Variants in STX17 observed in about 807,000 individuals in gnomAD.
STX17 encodes the protein syntaxin-17.
Under a neutral mutation model 35.9 loss-of-function variants are expected in STX17, and 29 were observed. The observed-to-expected ratio is 0.81, with a 90% CI of 0.60 to 1.10. The LOEUF (loss-of-function observed/expected upper bound fraction) is 1.10. Ranked by LOEUF, STX17 falls within the 50% of genes least tolerant of loss-of-function variation. The pLI, the probability that STX17 is intolerant of heterozygous loss-of-function variation, is 0.00. For missense variants in STX17, 312 were observed against 352.3 expected (o/e 0.89, Z 0.92); for synonymous variants, 92 against 118.3 (o/e 0.78, Z 1.44).
Position 99,956,143 on chromosome 9 carries a change from ACT to A in STX17, c.416-3771_416-3770del, listed in dbSNP as rs140830400. Among the ~76,000 whole-genome samples the A allele has an allele frequency of 1.4e-3, 206 of 152,058 alleles. 3 individuals carry two copies. In the East Asian group the frequency reaches 0.02, roughly 15 times the overall value. On this transcript the variant is annotated intron_variant, in intron 4 of 7. Coordinates refer to ENST00000259400, the MANE Select transcript of STX17 (RefSeq NM_017919.3). ...AGAGCACAGACCTCTTTGTTCTAAG[ACT>A]CTGTTTGAACTAAGATGCATACGTA...
chr9:99,971,057 C>A lies in STX17; in HGVS notation c.*2384C>A, dbSNP rs182343688. On this transcript the variant is annotated 3_prime_UTR_variant, in exon 8 of 8. Coordinates refer to ENST00000259400, the MANE Select transcript of STX17 (RefSeq NM_017919.3). ...AATGGAACCTAATAGCCAACTTTTT[C>A]ATAGAAATTGCTAGAAGAGTTTGAT... 6.6e-6 allele frequency among the ~76,000 whole-genome samples: 1 copy of A among 152,296 alleles called. No homozygotes were observed. Among genetic ancestry groups the A allele is most frequent in the African/African-American group, 2.4e-5 (1 of 41,548 alleles).
chr9:99,954,887 ATTAAG>A (rs1829676801), intron 4 of STX17, among the ~76,000 whole-genome samples: 1 of 152,114 alleles, frequency 6.6e-6, no homozygotes, highest in African/African-American at 2.4e-5. Flanking sequence ...AAAGAAGCTT[ATTAAG>A]TTTAGGGAGA....
intron 2 of STX17, among the ~76,000 whole-genome samples, chr9:99,923,635 C>T (rs1313041986): frequency 6.6e-6 from 1 of 152,150 alleles, no homozygotes; most frequent in Non-Finnish European, 1.5e-5. Flanking sequence ...GTGCTGTCTA[C>T]CTAGAGATAG....
chr9:99,951,423 G>C, intron 4 of STX17, 138 bp downstream of exon 4: 1 of 745,840 alleles, frequency 1.3e-6, no homozygotes, highest in Non-Finnish European at 2.1e-6. Flanking sequence ...CTTGGACCCT[G>C]ATCAGTGTTC....
chr9:99,915,499 T>C (rs1828750752), intron 2 of STX17, 137 bp downstream of exon 2: 3 of 1,106,758 alleles, frequency 2.7e-6, no homozygotes, highest in African/African-American at 3.2e-5. Flanking sequence ...AGCAACATTA[T>C]GCATTTTTTA....
At chr9:99,958,612 C>G (rs1464933783) in intron 4 of STX17, among the ~76,000 whole-genome samples, 1 of 152,188 alleles carries the variant, frequency 6.6e-6, no homozygotes, top group Non-Finnish European at 1.5e-5. Flanking sequence ...AATTCTAACC[C>G]AAGTCTTTCT....
chr9:99,913,981 T>TG (rs1025796920), intron 1 of STX17: 11 of 151,792 alleles, frequency 7.2e-5, no homozygotes, highest in Admixed American at 7.2e-4. Context: ...TCTTTTTTTT[T>TG]TTTTGTAGAG....
intron 4 of STX17, among the ~76,000 whole-genome samples, chr9:99,953,833 GC>G (rs1489981019): frequency 6.6e-6 from 1 of 151,958 alleles, no homozygotes; most frequent in East Asian, 1.9e-4. Context: ...CCTAATACTT[GC>G]TTTAATTTGC....
intron 2 of STX17, among the ~76,000 whole-genome samples, chr9:99,922,097 C>A (rs1193093315): frequency 1.3e-5 from 2 of 152,116 alleles, no homozygotes; most frequent in Non-Finnish European, 2.9e-5. Context: ...TGATACCATC[C>A]CCAGTCAGAT....
In STX17 at chr9:99,959,945, T is replaced by C. The variant is rs201580106; in HGVS notation, c.444T>C (p.Ala148=). The C allele has an allele frequency of 1.8e-5, 29 of 1,613,540 alleles. No individual in the cohort carries two copies. Among genetic ancestry groups the C allele is most frequent in the African/African-American group, 2.7e-5 (2 of 74,894 alleles). ...GGAFHTTEAE[A]SSQSLTQIYA... is the part of the protein sequence containing the mutation. ...CATTTCATACTACTGAAGCTGAAGC[T>C]AGTTCTCAGAGTTTGACTCAGATAT... is the stretch of plus-strand genomic sequence containing the variant. The change falls in exon 5 of 8, where the codon GCT becomes GCC. Residue 148 remains alanine, a synonymous_variant. Coordinates refer to ENST00000259400, the MANE Select transcript of STX17 (RefSeq NM_017919.3).
chr9:99,945,472 T>C (rs1206115697), intron 3 of STX17, among the ~76,000 whole-genome samples: 1 of 152,158 alleles, frequency 6.6e-6, no homozygotes, highest in South Asian at 2.1e-4. Context: ...TCTTCTTACA[T>C]TGAACCATTC....
At chr9:99,968,234 GCTCT>G (rs1342626112) in intron 7 of STX17, among the ~76,000 whole-genome samples, 196 bp from the exon 8 acceptor site, 1 of 152,174 alleles carries the variant, frequency 6.6e-6, no homozygotes, top group Non-Finnish European at 1.5e-5. Flanking sequence ...TTGTAGCTCA[GCTCT>G]CTAAGTTCTG....
chr9:99,915,174 T>C lies in STX17; in HGVS notation c.-62-4T>C. ...ACATTCTTAAAGAAATATTTTTCTT[T>C]TAGGTTTTTCTATATGAGTGGAGAA... On this transcript the variant is annotated splice_region_variant and splice_polypyrimidine_tract_variant and intron_variant, in intron 1 of 7. Coordinates refer to ENST00000259400, the MANE Select transcript of STX17 (RefSeq NM_017919.3). 1.3e-6 allele frequency: 2 copies of C among 1,484,110 alleles called. No homozygotes were observed. The highest frequency in any genetic ancestry group is 4.9e-5 in the East Asian group (2 of 41,158). 91.9% of individuals were successfully genotyped at this position (1,484,110 alleles called of 1,614,324 possible).
At chr9:99,963,068 C>T (rs1448496162) in intron 6 of STX17, among the ~76,000 whole-genome samples, 1 of 152,064 alleles carries the variant, frequency 6.6e-6, no homozygotes, top group Non-Finnish European at 1.5e-5. Flanking sequence ...AGTGGTTGCA[C>T]AATATTGTGA....
chr9:99,932,208 C>G (rs923880614), intron 3 of STX17, among the ~76,000 whole-genome samples: 1 of 152,036 alleles, frequency 6.6e-6, no homozygotes, highest in Non-Finnish European at 1.5e-5. Flanking sequence ...CTGTGGTCCT[C>G]TTGAATTCAG....
chr9:99,928,868 T>A (rs749430052), intron 3 of STX17, 25 bp downstream of exon 3: 1 of 1,605,770 alleles, frequency 6.2e-7, no homozygotes, highest in East Asian at 2.2e-5. Context: ...TTTTTTCTGC[T>A]AAATCAGTAT....
intron 6 of STX17, among the ~76,000 whole-genome samples, chr9:99,965,792 A>C (rs1829900689): frequency 6.6e-6 from 1 of 152,192 alleles, no homozygotes; most frequent in South Asian, 2.1e-4. Flanking sequence ...TTTTTGATAG[A>C]GAGATGAGAG....
intron 2 of STX17, among the ~76,000 whole-genome samples, chr9:99,925,472 G>A (rs1828969495): frequency 6.6e-6 from 1 of 152,048 alleles, no homozygotes; most frequent in Non-Finnish European, 1.5e-5. Flanking sequence ...GTAGAATCCG[G>A]TTTCTGTCAG....
intron 3 of STX17, among the ~76,000 whole-genome samples, chr9:99,930,395 G>A (rs538033293): frequency 2.4e-4 from 37 of 151,786 alleles, no homozygotes; most frequent in Non-Finnish European, 4.9e-4. Context: ...AGCCTCCCGA[G>A]TAGCTGGGAC....
Sources: gnomAD v4.1 joint callset for allele counts (sites outside exome capture counted in the v4.1 genomes callset) on GRCh38, gnomAD v4.1.1 for gene constraint, MANE v1.5 for transcripts, NCBI Gene and HGNC (gene_info 2026-07-23, HGNC 2026-07-21) for gene names.